The following MPP7 variants were observed in gnomAD, a reference collection of about 807,000 sequenced individuals.
MPP7 encodes MAGUK p55 scaffold protein 7.
A neutral mutation model predicts 76.5 loss-of-function variants in MPP7; 60 were observed. That is an observed-to-expected ratio of 0.78 (90% CI 0.64 to 0.97). MPP7 has a LOEUF of 0.97. Among genes scored for constraint, MPP7 ranks in the 50% least tolerant of loss-of-function variants. The pLI is 0.00. For synonymous variants in MPP7, 237 were observed against 244.5 expected, an observed-to-expected ratio of 0.97 and a Z score of 0.29; for missense variants, 641 against 694.0, an observed-to-expected ratio of 0.92 and a Z score of 0.86.
chr10:28,241,735 T>C (rs547617530), intron 1 of MPP7, among the ~76,000 whole-genome samples: 1 of 152,266 alleles, frequency 6.6e-6, no homozygotes, highest in East Asian at 1.9e-4. Context: ...GCCAGGAACA[T>C]AACAGCAGTA....
intron 1 of MPP7, among the ~76,000 whole-genome samples, chr10:28,249,632 C>G (rs1249343964): frequency 6.6e-6 from 1 of 152,166 alleles, no homozygotes; most frequent in African/African-American, 2.4e-5. Context: ...ATCTCGTGCT[C>G]CCTTTTCCCC....
chr10:28,319,883 G>A (rs1421363121), intron 2 of MPP7, among the ~76,000 whole-genome samples: 1 of 152,126 alleles, frequency 6.6e-6, no homozygotes, highest in African/African-American at 2.4e-5. Flanking sequence ...GGCTGAGGCA[G>A]GAGGATAGCT....
intron 2 of MPP7, among the ~76,000 whole-genome samples, chr10:28,233,043 A>T (rs1377506309): frequency 1.3e-5 from 2 of 152,248 alleles, no homozygotes; most frequent in Non-Finnish European, 2.9e-5. Context: ...CATAAGATTA[A>T]AAACTATAAA....
chr10:28,305,554 G>T (rs192106307), upstream of MPP7: 7 of 152,352 alleles, frequency 4.6e-5, no homozygotes, highest in African/African-American at 1.7e-4. Context: ...CTGCACAGGT[G>T]ATGGGGAAAT....
chr10:28,110,097 CTT>C (rs1040119800), intron 11 of MPP7, among the ~76,000 whole-genome samples: 2 of 142,666 alleles, frequency 1.4e-5, no homozygotes, highest in Non-Finnish European at 1.5e-5. Flanking sequence ...TTTCTTTTTT[CTT>C]TTTTTTTTTG....
At chr10:28,269,897 C>T (rs896272017) in intron 1 of MPP7, among the ~76,000 whole-genome samples, 14 of 151,898 alleles carry the variant, frequency 9.2e-5, no homozygotes, top group African/African-American at 3.1e-4. Flanking sequence ...TGCTTAAGAT[C>T]GGGGTATTCT....
chr10:28,065,752 AGTATT>A (rs1245892970), intron 13 of MPP7, among the ~76,000 whole-genome samples: 1 of 152,212 alleles, frequency 6.6e-6, no homozygotes, highest in Non-Finnish European at 1.5e-5. Flanking sequence ...ATTCAAGTGA[AGTATT>A]GTATGGACAA....
intron 8 of MPP7, among the ~76,000 whole-genome samples, chr10:28,122,473 G>C (rs570634077): frequency 1.3e-5 from 2 of 152,256 alleles, no homozygotes; most frequent in African/African-American, 4.8e-5. Context: ...AATTTTGATA[G>C]TTTCAGATCT....
At position 28,275,817 on chromosome 10, in the gene MPP7, C is replaced by T. The variant is rs535133603; in HGVS notation, c.-132+27044G>A. On this transcript the variant is annotated intron_variant, in intron 1 of 16. Coordinates refer to ENST00000683449, the MANE Select transcript of MPP7 (RefSeq NM_001318170.2). ...CTGAACAACCTCCCAACCAATCTCACGACAGAGCCATTATGATAGGTCTCC... is the reference window on the plus strand; with the variant it reads ...CTGAACAACCTCCCAACCAATCTCATGACAGAGCCATTATGATAGGTCTCC... 1.5e-4 allele frequency among the ~76,000 whole-genome samples: 23 copies of T among 151,992 alleles called. No individual in the cohort carries two copies. The East Asian group carries it at 2.3e-3, about 15-fold the overall frequency.
At chr10:28,211,529 A>T (rs978947376) in intron 2 of MPP7, among the ~76,000 whole-genome samples, 2 of 152,070 alleles carry the variant, frequency 1.3e-5, no homozygotes, top group African/African-American at 4.8e-5. Flanking sequence ...TCTTTATATA[A>T]GATATATATA....
At chr10:28,260,769 CAAAAAAAAA>C (rs772017051) in intron 1 of MPP7, among the ~76,000 whole-genome samples, 9 of 68,352 alleles carry the variant, frequency 1.3e-4, no homozygotes, top group Non-Finnish European at 2.5e-4. Flanking sequence ...GACTCCATCT[CAAAAAAAAA>C]AAAAAAAAAA....
chr10:28,208,509 C>T (rs757789197), intron 2 of MPP7, among the ~76,000 whole-genome samples: 57 of 152,112 alleles, frequency 3.7e-4, no homozygotes, highest in African/African-American at 1.0e-3. Context: ...TGCCCATGGG[C>T]GTGTCACTAA....
At chr10:28,291,000 C>T (rs186488993) in intron 1 of MPP7, among the ~76,000 whole-genome samples, 66 of 152,220 alleles carry the variant, frequency 4.3e-4, no homozygotes, top group African/African-American at 1.3e-3. Flanking sequence ...CCTGATGACA[C>T]GATTTTGTAA....
intron 8 of MPP7, among the ~76,000 whole-genome samples, chr10:28,121,734 AAGGAAGGGGGGT>A (rs972427241): frequency 4.6e-5 from 7 of 152,098 alleles, no homozygotes; most frequent in Non-Finnish European, 5.9e-5. Flanking sequence ...AAAGATATGA[AAGGAAGGGGGGT>A]AGGGCAAGAC....
chr10:28,073,190 G>GCA (rs1852318294), intron 12 of MPP7, among the ~76,000 whole-genome samples: 3 of 152,104 alleles, frequency 2.0e-5, no homozygotes, highest in Admixed American at 2.0e-4. Flanking sequence ...CTTCTCTCTT[G>GCA]TATATCCCTA....
chr10:28,262,706 T>C (rs1177805195), intron 1 of MPP7, among the ~76,000 whole-genome samples: 4 of 152,196 alleles, frequency 2.6e-5, no homozygotes, highest in African/African-American at 7.2e-5. Flanking sequence ...AGTCCAATCA[T>C]GTACACAGCT....
Position 28,058,572 on chromosome 10 carries a change from A to T in MPP7, c.1330T>A (p.Tyr444Asn). The change falls in exon 15 of 17, where the codon TAC (tyrosine) becomes AAC (asparagine). Residue 444 changes from tyrosine (Y) to asparagine (N), a missense_variant. Transcript: ENST00000683449. Reference sequence around the variant, plus strand: ...ACTGAGTCTATACTTGTGCCGTAGTAGTTGTTTTTATATTCTCCATATTCA... The same window carrying T: ...ACTGAGTCTATACTTGTGCCGTAGTTGTTGTTTTTATATTCTCCATATTCA... ...FIEYGEYKNN[Y>N]YGTSIDSVRS... 2.5e-6 allele frequency: 4 copies of T among 1,600,624 alleles called. No homozygotes were observed. Among genetic ancestry groups the T allele is most frequent in the Non-Finnish European group, 3.4e-6 (4 of 1,172,682 alleles).
At chr10:28,076,138 G>C (rs533989638) in intron 12 of MPP7, among the ~76,000 whole-genome samples, 2 of 152,154 alleles carry the variant, frequency 1.3e-5, no homozygotes, top group African/African-American at 4.8e-5. Context: ...GATAAAAGGG[G>C]AGGTGATGGA....
At chr10:28,144,696 A>G (rs1322509910) in intron 5 of MPP7, among the ~76,000 whole-genome samples, 1 of 152,024 alleles carries the variant, frequency 6.6e-6, no homozygotes, top group Non-Finnish European at 1.5e-5. Context: ...GTAAGGTCTC[A>G]ACTTATATGC....
Sources: allele counts gnomAD v4.1 joint callset (sites outside exome capture counted in the v4.1 genomes callset), GRCh38; gene constraint gnomAD v4.1.1; transcripts MANE v1.5; gene names NCBI Gene and HGNC (gene_info 2026-07-23, HGNC 2026-07-21).